Variants in CREBBP observed in about 807,000 individuals in gnomAD.
CREBBP encodes the protein CREB-binding protein.
Under a neutral mutation model 265.0 loss-of-function variants are expected in CREBBP, and 19 were observed. That is an observed-to-expected ratio of 0.07 (90% CI 0.05 to 0.11). The LOEUF (loss-of-function observed/expected upper bound fraction) is 0.11. Ranked by LOEUF, CREBBP falls within the 10% of genes least tolerant of loss-of-function variation. CREBBP has a pLI of 1.00. For synonymous variants in CREBBP, 1,457 were observed against 1,223.7 expected (o/e 1.19, Z -3.98); for missense variants, 2,525 against 3,219.0 (o/e 0.78, Z 5.22).
At chr16:3,776,957 G>C (rs967293774) in intron 11 of CREBBP, among the ~76,000 whole-genome samples, 1 of 151,970 alleles carries the variant, frequency 6.6e-6, no homozygotes, top group African/African-American at 2.4e-5. Context: ...GGCGGAGCTT[G>C]CAGTGAGCCC....
intron 5 of CREBBP, among the ~76,000 whole-genome samples, chr16:3,789,786 T>G (rs1262534676): frequency 1.3e-5 from 2 of 152,134 alleles, no homozygotes; most frequent in Non-Finnish European, 2.9e-5. Context: ...CCTGGTAATA[T>G]CTTACATTCT....
chr16:3,807,951 C>A (rs905429585), intron 3 of CREBBP, among the ~76,000 whole-genome samples: 2 of 152,116 alleles, frequency 1.3e-5, no homozygotes, highest in African/African-American at 4.8e-5. Context: ...ATTCAGTTTA[C>A]CCCCAACAGG....
intron 24 of CREBBP, 66 bp downstream of exon 24, chr16:3,740,333 G>A (rs780222520): frequency 6.3e-7 from 1 of 1,592,884 alleles, no homozygotes; most frequent in Non-Finnish European, 8.6e-7. Flanking sequence ...GCTTTGCAGA[G>A]AGCAGGCTCT....
At chr16:3,875,073 C>T (rs1327012923) in intron 1 of CREBBP, among the ~76,000 whole-genome samples, 2 of 152,188 alleles carry the variant, frequency 1.3e-5, no homozygotes, top group Non-Finnish European at 2.9e-5. Context: ...AATTACAACA[C>T]ACTACTTAGA....
chr16:3,807,524 T>TTCAAAAATTCAAAAA (rs1567328966), intron 3 of CREBBP, among the ~76,000 whole-genome samples: 3 of 152,180 alleles, frequency 2.0e-5, no homozygotes, highest in African/African-American at 7.2e-5. Flanking sequence ...TCAAAAAGAC[T>TTCAAAAATTCAAAAA]ACAAAACACA....
At chr16:3,762,168 C>A (rs1289411323) in intron 16 of CREBBP, among the ~76,000 whole-genome samples, 1 of 152,128 alleles carries the variant, frequency 6.6e-6, no homozygotes, top group East Asian at 1.9e-4. Flanking sequence ...GGAGTGGTAA[C>A]AGAGGCCTCA....
At chr16:3,758,136 G>C (rs897511005) in intron 17 of CREBBP, 88 bp from the exon 18 acceptor site, 3 of 1,406,622 alleles carry the variant, frequency 2.1e-6, no homozygotes, top group Non-Finnish European at 2.9e-6. Context: ...TAAAATAATA[G>C]AAACAGAAAG....
At chr16:3,824,601 G>A (rs2141390995) in intron 2 of CREBBP, among the ~76,000 whole-genome samples, 1 of 152,288 alleles carries the variant, frequency 6.6e-6, no homozygotes, top group South Asian at 2.1e-4. Context: ...AATCCTGATG[G>A]ACTCAAGTCA....
In CREBBP at chr16:3,728,690, A is replaced by AGGCTGGGGCTGCATGCCG. The variant is rs1254559834; in HGVS notation, c.6339_6356dup (p.Met2115_Gly2120dup). 3.7e-6 allele frequency: 6 copies of AGGCTGGGGCTGCATGCCG among 1,613,758 alleles called. No homozygotes were observed. Among genetic ancestry groups the AGGCTGGGGCTGCATGCCG allele is most frequent in the Non-Finnish European group, 5.1e-6 (6 of 1,179,952 alleles). ...GCATGCCGGGCTGGGACTGGAGGCC[A>AGGCTGGGGCTGCATGCCG]GGCTGGGGCTGCATGCCGGGCTGAT... On this transcript the variant is annotated inframe_insertion, in exon 31 of 31. Coordinates refer to ENST00000262367, the MANE Select transcript of CREBBP (RefSeq NM_004380.3). The surrounding 1 kb of genome is among the most constrained non-coding windows in gnomAD (Gnocchi z 8.7).
chr16:3,749,521 C>G, intron 21 of CREBBP, 106 bp downstream of exon 21: 4 of 751,406 alleles, frequency 5.3e-6, no homozygotes, highest in Non-Finnish European at 9.1e-6. Context: ...ATTCCACTTA[C>G]GGCAACATAT....
intron 3 of CREBBP, among the ~76,000 whole-genome samples, chr16:3,808,018 G>A (rs1249637326): frequency 1.3e-5 from 2 of 151,986 alleles, no homozygotes; most frequent in African/African-American, 4.8e-5. Context: ...TGGCCACCAG[G>A]CAACCAATGC....
In CREBBP at chr16:3,739,855, C is replaced by T. The variant is rs1596812554; in HGVS notation, c.4134-131G>A. 4.7e-6 allele frequency: 6 copies of T among 1,288,950 alleles called. No homozygotes were observed. In the East Asian group the frequency reaches 7.4e-5, roughly 16 times the overall value. The allele number at this position is 1,288,950 out of a possible 1,614,324, so 79.8% of individuals were successfully genotyped here. A position where few individuals can be genotyped will look rare whatever the true frequency, so the allele number is the denominator to read the frequency against. On this transcript the variant is annotated intron_variant, in intron 24 of 30. Transcript: ENST00000262367. ...GCATGGCCACCTCCTCAGACCGTGGCCTGGAGTCCTCCCTATGGGCCAGTC... is the reference window on the plus strand; with the variant it reads ...GCATGGCCACCTCCTCAGACCGTGGTCTGGAGTCCTCCCTATGGGCCAGTC...
intron 2 of CREBBP, among the ~76,000 whole-genome samples, chr16:3,813,835 G>A (rs527507590): frequency 1.6e-4 from 25 of 152,292 alleles, no homozygotes; most frequent in Non-Finnish European, 2.9e-4. Context: ...ACGTCTTTTG[G>A]AAGTTTCTAA....
At chr16:3,746,315 C>T (rs1315104790) in intron 21 of CREBBP, among the ~76,000 whole-genome samples, 1 of 151,820 alleles carries the variant, frequency 6.6e-6, no homozygotes, top group African/African-American at 2.4e-5. Flanking sequence ...GCCCAGTCTG[C>T]TGGAGGGAAA....
intron 2 of CREBBP, among the ~76,000 whole-genome samples, chr16:3,839,872 A>C (rs2054533533): frequency 6.6e-6 from 1 of 151,738 alleles, no homozygotes; most frequent in Non-Finnish European, 1.5e-5. Context: ...AAAGAAAGAG[A>C]AAAGAAAAGA....
intron 1 of CREBBP, among the ~76,000 whole-genome samples, chr16:3,855,625 G>C (rs2054945360): frequency 6.6e-6 from 1 of 152,120 alleles, no homozygotes; most frequent in South Asian, 2.1e-4. Context: ...TTCAATTTGG[G>C]GTACCTCCTC....
chr16:3,876,399 C>CAAAAAAAAAA (rs71133663), intron 1 of CREBBP, among the ~76,000 whole-genome samples: 11 of 18,156 alleles, frequency 6.1e-4, no homozygotes, highest in African/African-American at 1.8e-3. Flanking sequence ...TAAAGCTGAC[C>CAAAAAAAAAA]AAAAAAAAAA....
intron 25 of CREBBP, among the ~76,000 whole-genome samples, chr16:3,739,164 G>C (rs1229258220): frequency 6.6e-6 from 1 of 152,222 alleles, no homozygotes; most frequent in Non-Finnish European, 1.5e-5. Context: ...TGAACAAAAG[G>C]ATGAATGGCA....
chr16:3,843,855 T>G (rs181138538), intron 2 of CREBBP, among the ~76,000 whole-genome samples: 78 of 152,188 alleles, frequency 5.1e-4, no homozygotes, highest in African/African-American at 1.7e-3. Flanking sequence ...AGAATAAATA[T>G]GAAAGACTTT....
Sources: gnomAD v4.1 joint callset for allele counts (sites outside exome capture counted in the v4.1 genomes callset) on GRCh38, gnomAD v4.1.1 for gene constraint, Gnocchi (gnomAD v3.1) non-coding constraint, MANE v1.5 for transcripts, NCBI Gene and HGNC (gene_info 2026-07-23, HGNC 2026-07-21) for gene names.